Variants in CALCR observed in about 807,000 individuals in gnomAD.
The protein encoded by CALCR is calcitonin receptor.
Under a neutral mutation model 59.5 loss-of-function variants are expected in CALCR, and 47 were observed. That is an observed-to-expected ratio of 0.79 (90% CI 0.63 to 1.01). The LOEUF (loss-of-function observed/expected upper bound fraction) is 1.01, where lower values mean the gene tolerates loss of function less well. Ranked by LOEUF, CALCR falls within the 50% of genes least tolerant of loss-of-function variation. CALCR has a pLI of 0.00. For missense variants in CALCR, 566 were observed against 597.1 expected (o/e 0.95, Z 0.54); for synonymous variants, 213 against 211.3 (o/e 1.01, Z -0.07).
intron 3 of CALCR, among the ~76,000 whole-genome samples, chr7:93,484,477 C>T (rs185320090): frequency 6.6e-6 from 1 of 151,792 alleles, no homozygotes. Flanking sequence ...AATCCACAAA[C>T]TGATGCAACC....
At chr7:93,549,418 A>C (rs555019924) in intron 2 of CALCR, among the ~76,000 whole-genome samples, 2 of 152,320 alleles carry the variant, frequency 1.3e-5, no homozygotes, top group Admixed American at 6.5e-5. Flanking sequence ...GGTCCTCTCA[A>C]CTACTGAATT....
intron 2 of CALCR, among the ~76,000 whole-genome samples, chr7:93,536,672 T>A (rs907409100): frequency 1.3e-5 from 2 of 151,894 alleles, no homozygotes; most frequent in Non-Finnish European, 2.9e-5. Context: ...ATTAGGTATA[T>A]CTCCTAATGC....
At chr7:93,499,991 C>G (rs1026592897) in intron 2 of CALCR, among the ~76,000 whole-genome samples, 1 of 151,730 alleles carries the variant, frequency 6.6e-6, no homozygotes, top group African/African-American at 2.4e-5. Flanking sequence ...GAATAAAGTA[C>G]AACTGATTTT....
intron 6 of CALCR, among the ~76,000 whole-genome samples, chr7:93,469,329 T>TA (rs1800505928): frequency 1.3e-5 from 2 of 150,120 alleles, no homozygotes; most frequent in African/African-American, 4.9e-5. Context: ...TGATAATTCT[T>TA]TTTTTTTTTC....
chr7:93,554,289 ATATT>A (rs1391310267), intron 2 of CALCR, among the ~76,000 whole-genome samples: 2 of 152,186 alleles, frequency 1.3e-5, no homozygotes, highest in African/African-American at 4.8e-5. Flanking sequence ...GTTAGACAAT[ATATT>A]TATTTCTCAT....
At chr7:93,502,905 G>T (rs889403352) in intron 2 of CALCR, among the ~76,000 whole-genome samples, 3 of 151,812 alleles carry the variant, frequency 2.0e-5, no homozygotes, top group Non-Finnish European at 4.4e-5. Flanking sequence ...ATAGAAAAAA[G>T]GCTTGAAGAA....
intron 8 of CALCR, among the ~76,000 whole-genome samples, chr7:93,454,764 A>G (rs1036038654): frequency 2.2e-5 from 3 of 134,910 alleles, no homozygotes; most frequent in African/African-American, 3.8e-5. Context: ...AACTTTTTTT[A>G]AAAAAAGAAC....
intron 7 of CALCR, among the ~76,000 whole-genome samples, chr7:93,465,020 T>C (rs1379956181): frequency 1.3e-5 from 2 of 151,954 alleles, no homozygotes; most frequent in Admixed American, 6.6e-5. Flanking sequence ...TAACGTAATG[T>C]AGACAATAAA....
chr7:93,540,905 C>T (rs1471398029), intron 2 of CALCR, among the ~76,000 whole-genome samples: 4 of 151,562 alleles, frequency 2.6e-5, no homozygotes, highest in Admixed American at 6.6e-5. Flanking sequence ...TTTGCCCACT[C>T]ATAATCAATC....
intron 5 of CALCR, 30 bp downstream of exon 5, chr7:93,477,528 A>T: frequency 6.9e-7 from 1 of 1,443,530 alleles, no homozygotes; most frequent in South Asian, 1.2e-5. Context: ...GCTTCATAGC[A>T]AGAACATAAA....
chr7:93,523,898 C>T (rs1801818835), intron 2 of CALCR, among the ~76,000 whole-genome samples: 1 of 151,938 alleles, frequency 6.6e-6, no homozygotes, highest in Non-Finnish European at 1.5e-5. Flanking sequence ...GATCCAAAAT[C>T]TAACAAATGT....
At chr7:93,516,826 C>T (rs930786654) in intron 2 of CALCR, among the ~76,000 whole-genome samples, 1 of 151,688 alleles carries the variant, frequency 6.6e-6, no homozygotes, top group South Asian at 2.1e-4. Context: ...ATATAAATTG[C>T]CCAGAATAGA....
At chr7:93,516,682 T>C (rs1404310094) in intron 2 of CALCR, among the ~76,000 whole-genome samples, 2 of 151,868 alleles carry the variant, frequency 1.3e-5, no homozygotes, top group Non-Finnish European at 2.9e-5. Context: ...GTTACATGTA[T>C]ATACATAAAG....
intron 2 of CALCR, among the ~76,000 whole-genome samples, chr7:93,518,626 G>C (rs990811457): frequency 6.6e-6 from 1 of 151,752 alleles, no homozygotes; most frequent in Non-Finnish European, 1.5e-5. Flanking sequence ...CAACCAATTA[G>C]GTGGAGAGTA....
intron 2 of CALCR, among the ~76,000 whole-genome samples, chr7:93,522,283 C>T (rs184217603): frequency 1.2e-3 from 185 of 152,196 alleles, no homozygotes; most frequent in African/African-American, 3.9e-3. Flanking sequence ...ATTTGTAAGA[C>T]ATTTGAAACT....
intron 2 of CALCR, among the ~76,000 whole-genome samples, chr7:93,527,394 T>C (rs1276451762): frequency 2.6e-5 from 4 of 152,106 alleles, no homozygotes; most frequent in African/African-American, 9.7e-5. Context: ...ATATTGTCTA[T>C]ATTTCTATAA....
chr7:93,477,518 G>T (rs1169634761), intron 5 of CALCR, 40 bp downstream of exon 5: 2 of 1,368,840 alleles, frequency 1.5e-6, no homozygotes, highest in South Asian at 1.2e-5. Context: ...AACTCTAAAA[G>T]CTTCATAGCA....
intron 2 of CALCR, among the ~76,000 whole-genome samples, chr7:93,523,565 T>C (rs1457019600): frequency 6.6e-6 from 1 of 152,192 alleles, no homozygotes; most frequent in African/African-American, 2.4e-5. Flanking sequence ...ATATGTCTAA[T>C]GTCTTTACCT....
intron 2 of CALCR, among the ~76,000 whole-genome samples, chr7:93,507,796 G>A (rs1404291715): frequency 1.3e-5 from 2 of 150,442 alleles, no homozygotes; most frequent in South Asian, 2.1e-4. Context: ...GGTGGCGGGC[G>A]CCTGTAGTCC....
Sources: gnomAD v4.1 joint callset for allele counts (sites outside exome capture counted in the v4.1 genomes callset) on GRCh38, gnomAD v4.1.1 for gene constraint, MANE v1.5 for transcripts, NCBI Gene and HGNC (gene_info 2026-07-23, HGNC 2026-07-21) for gene names.